ECT2: variants seen among roughly 807,000 people sequenced by gnomAD.
The protein encoded by ECT2 is protein ECT2.
Under a neutral mutation model 116.9 loss-of-function variants are expected in ECT2, and 61 were observed. The ratio of observed to expected loss-of-function variants is 0.52; its 90% CI spans 0.42 to 0.65. The LOEUF is 0.65. Ranked by LOEUF, ECT2 falls within the 30% of genes least tolerant of loss-of-function variation. The pLI, the probability that ECT2 is intolerant of heterozygous loss-of-function variation, is 0.00. For synonymous variants in ECT2, 358 were observed against 346.4 expected (o/e 1.03, Z -0.37); for missense variants, 937 against 1,078.7 (o/e 0.87, Z 1.84).
chr3:172,770,186 A>G (rs372614562), intron 13 of ECT2, among the ~76,000 whole-genome samples: 1 of 152,212 alleles, frequency 6.6e-6, no homozygotes, highest in African/African-American at 2.4e-5. Flanking sequence ...AAATCACTCT[A>G]GATAGATGAG....
At chr3:172,814,854 G>A (rs760874370) in intron 22 of ECT2, among the ~76,000 whole-genome samples, 40 of 152,106 alleles carry the variant, frequency 2.6e-4, no homozygotes, top group African/African-American at 8.0e-4. Context: ...ATGCAATAAT[G>A]TATTGTCAAC....
chr3:172,764,176 C>A, intron 11 of ECT2, 102 bp from the exon 12 acceptor site: 1 of 1,048,856 alleles, frequency 9.5e-7, no homozygotes, highest in Non-Finnish European at 1.4e-6. Context: ...AATTATTGTG[C>A]AAAATCCAGA....
chr3:172,762,279 T>A, intron 8 of ECT2, 137 bp from the exon 9 acceptor site: 6 of 935,916 alleles, frequency 6.4e-6, no homozygotes, highest in Non-Finnish European at 9.3e-6. Context: ...TTGTGAGCAT[T>A]TCAGGACCAA....
At chr3:172,797,036 G>T (rs1168965227) in intron 18 of ECT2, among the ~76,000 whole-genome samples, 1 of 149,950 alleles carries the variant, frequency 6.7e-6, no homozygotes, top group Non-Finnish European at 1.5e-5. Flanking sequence ...GTGTGTGTGT[G>T]TGTGTGTGTG....
rs1200399760 is a variant in ECT2, at chr3:172,805,934, ACT to A, written c.2245+67_2245+68del. 3.9e-6 allele frequency: 6 copies of A among 1,528,552 alleles called. No homozygotes were observed. The African/African-American group carries it at 8.4e-5, about 21-fold the overall frequency. The allele number at this position is 1,528,552 out of a possible 1,614,324, so 94.7% of individuals were successfully genotyped here. On this transcript the variant is annotated intron_variant, in intron 21 of 24. Coordinates refer to ENST00000392692, the MANE Select transcript of ECT2 (RefSeq NM_001258315.2). The stretch of plus-strand genomic sequence containing the variant: ...TTTATATTCATTGTAGGTTTAATTT[ACT>A]CCATTTTGGCTTTTTTAAATTGGTA...
chr3:172,751,545 A>T (rs1171138031), intron 1 of ECT2, among the ~76,000 whole-genome samples: 1 of 151,750 alleles, frequency 6.6e-6, no homozygotes, highest in Non-Finnish European at 1.5e-5. Flanking sequence ...TCTGCCACGT[A>T]TTAAGCGTTA....
intron 18 of ECT2, among the ~76,000 whole-genome samples, chr3:172,792,170 T>A (rs554312704): frequency 6.6e-6 from 1 of 152,166 alleles, no homozygotes; most frequent in Non-Finnish European, 1.5e-5. Flanking sequence ...AGATCACTGA[T>A]CACAGCTCAC....
chr3:172,764,487 C>T lies in ECT2; in HGVS notation c.1278C>T (p.Ser426=). 6.2e-7 allele frequency: 1 copy of T among 1,613,382 alleles called. No individual in the cohort carries two copies. Among genetic ancestry groups the T allele is most frequent in the Non-Finnish European group, 8.5e-7 (1 of 1,179,350 alleles). ...ATATCTCCAACACACCAGAGTCTAG[C>T]ATTAACTATGGAGGTAATTCACATT... ...LLDISNTPES[S]INYGDTPKSC... The change falls in exon 12 of 25, where the codon AGC becomes AGT. Residue 426 remains serine, a synonymous_variant. Coordinates refer to ENST00000392692, the MANE Select transcript of ECT2 (RefSeq NM_001258315.2).
At chr3:172,817,303 G>A (rs534268095) in intron 24 of ECT2, among the ~76,000 whole-genome samples, 1 of 152,140 alleles carries the variant, frequency 6.6e-6, no homozygotes, top group African/African-American at 2.4e-5. Flanking sequence ...TCTTTATTGG[G>A]TAAAGGCAAC....
chr3:172,786,708 GT>G (rs1298875400), intron 18 of ECT2, 134 bp downstream of exon 18: 1 of 598,508 alleles, frequency 1.7e-6, no homozygotes, highest in African/African-American at 1.9e-5. Flanking sequence ...TAATAGTGTA[GT>G]TACACATTAA....
intron 22 of ECT2, among the ~76,000 whole-genome samples, chr3:172,811,905 G>A (rs923185595): frequency 1.1e-4 from 17 of 151,652 alleles, no homozygotes; most frequent in African/African-American, 4.1e-4. Flanking sequence ...TGGCTAATCT[G>A]TCTTTCTAGG....
chr3:172,757,692 G>C (rs937286883), intron 5 of ECT2, among the ~76,000 whole-genome samples: 1 of 152,156 alleles, frequency 6.6e-6, no homozygotes, highest in African/African-American at 2.4e-5. Context: ...TGGGATTACA[G>C]GCGTGAGCCA....
At chr3:172,816,097 G>A (rs1015076995) in intron 23 of ECT2, among the ~76,000 whole-genome samples, 1 of 152,056 alleles carries the variant, frequency 6.6e-6, no homozygotes, top group Non-Finnish European at 1.5e-5. Context: ...TAGTCTTCTC[G>A]TGATGAAGAT....
rs80293636 is a variant in ECT2, at chr3:172,762,663, A to C, written c.890-28A>C. 8,567 of 1,588,832 alleles carry C rather than the reference A, an allele frequency of 5.4e-3. 41 individuals carry two copies. The highest frequency in any genetic ancestry group is 6.1e-3 in the Non-Finnish European group (7,189 of 1,172,246). On this transcript the variant is annotated intron_variant, in intron 9 of 24. Transcript: ENST00000392692. ...AGTTTGGAAATAAGTAGCTTGGCTT[A>C]TTTATGCTTATGTGCATTCCTTTTT... is the stretch of plus-strand genomic sequence containing the variant.
intron 13 of ECT2, among the ~76,000 whole-genome samples, chr3:172,771,662 G>A (rs1305476870): frequency 6.6e-6 from 1 of 152,118 alleles, no homozygotes; most frequent in Non-Finnish European, 1.5e-5. Context: ...TATCTGACTT[G>A]CATTTCAGAA....
Position 172,760,712 on chromosome 3 carries a change from CTTTTTTTTTTT to C in ECT2, c.684+465_684+475del, listed in dbSNP as rs60727631. 1.6e-4 allele frequency among the ~76,000 whole-genome samples: 12 copies of C among 76,212 alleles called. No homozygotes were observed. In the South Asian group the frequency reaches 2.7e-3, roughly 17 times the overall value. 50.0% of individuals were successfully genotyped at this position (76,212 alleles called of 152,430 possible). A position where few individuals can be genotyped will look rare whatever the true frequency, so the allele number is the denominator to read the frequency against. ...AGGGAATTTACTCTTGTCTAAGTGC[CTTTTTTTTTTT>C]TTTTTTTTTTTTTTTGAGACTGAGT... is the stretch of plus-strand genomic sequence containing the variant. On this transcript the variant is annotated intron_variant, in intron 7 of 24. Coordinates refer to ENST00000392692, the MANE Select transcript of ECT2 (RefSeq NM_001258315.2).
chr3:172,802,569 A>G, intron 18 of ECT2, 47 bp from the exon 19 acceptor site: 1 of 1,173,828 alleles, frequency 8.5e-7, no homozygotes, highest in Non-Finnish European at 1.2e-6. Flanking sequence ...TGTTTGTTGT[A>G]GTTTTCATGT....
chr3:172,764,418 G>A lies in ECT2; in HGVS notation c.1209G>A (p.Lys403=). Residue 403 remains lysine, a synonymous_variant, in exon 12 of 25, where the codon AAG becomes AAA. Transcript: ENST00000392692. ...ACGTGTCACCATTTCCACCCCGTAA[G>A]CGCCCATCAGCTGAGCATTCCCTTT... The part of the protein sequence containing the change: ...ETDVSPFPPR[K]RPSAEHSLSI... 1 of 1,614,150 alleles carries A rather than the reference G, an allele frequency of 6.2e-7. No homozygotes were observed. Among genetic ancestry groups the A allele is most frequent in the Non-Finnish European group, 8.5e-7 (1 of 1,180,018 alleles).
At chr3:172,763,316 C>A (rs1010878929) in intron 11 of ECT2, among the ~76,000 whole-genome samples, 1 of 152,064 alleles carries the variant, frequency 6.6e-6, no homozygotes, top group African/African-American at 2.4e-5. Context: ...TTTTAGGTAG[C>A]CTCGCTCTGA....
Sources: gnomAD v4.1 joint callset for allele counts (sites outside exome capture counted in the v4.1 genomes callset) on GRCh38, gnomAD v4.1.1 for gene constraint, MANE v1.5 for transcripts, NCBI Gene and HGNC (gene_info 2026-07-23, HGNC 2026-07-21) for gene names.